Variants in NADK observed in about 807,000 individuals in gnomAD.
NADK encodes poly(P)/ATP NAD kinase.
A neutral mutation model predicts 49.8 loss-of-function variants in NADK; 22 were observed. The observed-to-expected ratio is 0.44, with a 90% CI of 0.32 to 0.63. The LOEUF is 0.63. Among genes scored for constraint, NADK ranks in the 30% least tolerant of loss-of-function variants. The probability of loss-of-function intolerance (pLI) is 0.06; values close to 1 mark genes in which losing one functional copy is unlikely to be tolerated. For synonymous variants in NADK, 268 were observed against 253.7 expected (o/e 1.06, Z -0.54); for missense variants, 438 against 609.4 (o/e 0.72, Z 2.96).
chr1:1,759,801 G>A (rs1220039320), intron 3 of NADK: 2 of 1,554,770 alleles, frequency 1.3e-6, no homozygotes, highest in Non-Finnish European at 1.7e-6. Flanking sequence ...CTGGTCTGAG[G>A]GCTGAGGCAG....
chr1:1,769,946 C>A (rs920561016), intron 1 of NADK, among the ~76,000 whole-genome samples: 1 of 151,648 alleles, frequency 6.6e-6, no homozygotes, highest in African/African-American at 2.4e-5. Context: ...GGAGCAGTGG[C>A]TCTTGCCTGT....
At chr1:1,772,155 C>T (rs1309967287) in intron 1 of NADK, among the ~76,000 whole-genome samples, 4 of 148,640 alleles carry the variant, frequency 2.7e-5, no homozygotes, top group Admixed American at 2.7e-4. Context: ...TTAATGGAAC[C>T]CTGAATTTTT....
chr1:1,763,260 G>A (rs546256351), intron 2 of NADK, among the ~76,000 whole-genome samples: 7 of 152,332 alleles, frequency 4.6e-5, no homozygotes, highest in South Asian at 2.1e-4. Flanking sequence ...CAAGGCAGGC[G>A]GATCACGAGG....
intron 3 of NADK, among the ~76,000 whole-genome samples, chr1:1,758,188 C>T (rs1645592698): frequency 6.6e-6 from 1 of 152,214 alleles, no homozygotes; most frequent in Non-Finnish European, 1.5e-5. Context: ...CAGCTAGTTC[C>T]AAGTTGCCCA....
intron 1 of NADK, among the ~76,000 whole-genome samples, chr1:1,766,405 C>T (rs571957144): frequency 2.9e-3 from 101 of 34,710 alleles, no homozygotes; most frequent in Middle Eastern, 0.016. Flanking sequence ...AAAGAAACTC[C>T]GTCTCAAAAA....
chr1:1,768,038 G>A (rs187483116), intron 1 of NADK, among the ~76,000 whole-genome samples: 1 of 152,152 alleles, frequency 6.6e-6, no homozygotes, highest in African/African-American at 2.4e-5. Flanking sequence ...GGGCGTGGTG[G>A]CGGGCGCCTG....
chr1:1,753,675 G>C, intron 10 of NADK, 26 bp from the exon 11 acceptor site: 1 of 1,580,152 alleles, frequency 6.3e-7, no homozygotes, highest in Non-Finnish European at 8.6e-7. Context: ...GGAGAGGTGT[G>C]GGCCCCCAGC....
rs989347506 is a variant in NADK, at chr1:1,752,591, G to T, written c.*313C>A. On this transcript the variant is annotated 3_prime_UTR_variant, in exon 12 of 12. Transcript: ENST00000341426. ...TGACTCCTCTGAATTTCAACCGACT[G>T]ATTTGCGGAAAAATATCCTGGCATG... is the stretch of plus-strand genomic sequence containing the variant. 1.0e-5 allele frequency: 3 copies of T among 290,728 alleles called. No individual in the cohort carries two copies. Among genetic ancestry groups the T allele is most frequent in the Non-Finnish European group, 1.9e-5 (3 of 156,020 alleles). 18.0% of individuals were successfully genotyped at this position (290,728 alleles called of 1,614,324 possible). A position where few individuals can be genotyped will look rare whatever the true frequency, so the allele number is the denominator to read the frequency against.
rs943538616 is a variant in NADK at position 1,778,315 on chromosome 1, G to A, written c.-67C>T. ...GTTCGCTGCCGCGGGCGCCTGCGGG[G>A]GCGTCTACATGCCGGACCGAGCCCG... On this transcript the variant is annotated 5_prime_UTR_variant, in exon 1 of 12. Coordinates refer to ENST00000341426, the MANE Select transcript of NADK (RefSeq NM_023018.5). This position sits in a 1 kb window ranked among gnomAD's most constrained non-coding sequence, Gnocchi z 4.9. The A allele has an allele frequency of 6.6e-6, 1 of 151,268 alleles. No individual in the cohort carries two copies. Among genetic ancestry groups the A allele is most frequent in the Non-Finnish European group, 1.5e-5 (1 of 67,774 alleles). 9.4% of individuals were successfully genotyped at this position (151,268 alleles called of 1,614,324 possible). A position where few individuals can be genotyped will look rare whatever the true frequency, so the allele number is the denominator to read the frequency against.
chr1:1,774,609 C>T (rs571179526), intron 1 of NADK, among the ~76,000 whole-genome samples: 13 of 151,440 alleles, frequency 8.6e-5, no homozygotes, highest in African/African-American at 1.7e-4. Flanking sequence ...CCACTGCGCG[C>T]GGCCACCATT....
chr1:1,765,436 A>C lies in NADK; in HGVS notation c.-30T>G. 6.9e-7 allele frequency: 1 copy of C among 1,459,098 alleles called. No homozygotes were observed. The highest frequency in any genetic ancestry group is 9.4e-7 in the Non-Finnish European group (1 of 1,068,924). The allele number at this position is 1,459,098 out of a possible 1,614,324, so 90.4% of individuals were successfully genotyped here. On this transcript the variant is annotated 5_prime_UTR_variant, in exon 2 of 12. Transcript: ENST00000341426. ...AGGAAATGAGAACTTCGGTCAGAAA[A>C]ACACTGATGCCTTAATTTAATAAAA... is the stretch of plus-strand genomic sequence containing the variant.
chr1:1,779,667 T>TTTGTG (rs1646314789), upstream of NADK, among the ~76,000 whole-genome samples: 3 of 148,598 alleles, frequency 2.0e-5, no homozygotes, highest in Non-Finnish European at 3.0e-5. Context: ...ATATATATAT[T>TTTGTG]TGTGTGTGTG....
intron 1 of NADK, among the ~76,000 whole-genome samples, chr1:1,775,872 C>T (rs1212136716): frequency 1.3e-5 from 2 of 152,198 alleles, no homozygotes; most frequent in Non-Finnish European, 2.9e-5. Flanking sequence ...GCCACCAGCA[C>T]AGAGAGTAGA....
At chr1:1,759,982 C>A (rs1645665720) in intron 3 of NADK, 2 of 1,466,184 alleles carry the variant, frequency 1.4e-6, no homozygotes, top group South Asian at 2.5e-5. Flanking sequence ...ACAGCAAGCA[C>A]AGGATGGCGG....
chr1:1,753,391 G>A (rs993933773), intron 11 of NADK, among the ~76,000 whole-genome samples, 176 bp downstream of exon 11: 11 of 152,194 alleles, frequency 7.2e-5, no homozygotes, highest in Non-Finnish European at 1.0e-4. Context: ...CACCGTATGC[G>A]ACCCGCTGCC....
intron 3 of NADK, chr1:1,758,570 A>G: frequency 6.5e-7 from 1 of 1,537,688 alleles, no homozygotes; most frequent in Non-Finnish European, 8.8e-7. Context: ...TAGAAGCCTA[A>G]GCTCTTCATA....
At chr1:1,778,942 TA>T (rs758352127), upstream of NADK, among the ~76,000 whole-genome samples, 2 of 152,190 alleles carry the variant, frequency 1.3e-5, no homozygotes, top group Non-Finnish European at 2.9e-5. This position sits in a 1 kb window ranked among gnomAD's most constrained non-coding sequence, Gnocchi z 4.9. Flanking sequence ...CTTCCCTAAT[TA>T]CCGGGCTGTG....
At chr1:1,758,171 C>T (rs1224967360) in intron 3 of NADK, among the ~76,000 whole-genome samples, 1 of 152,186 alleles carries the variant, frequency 6.6e-6, no homozygotes, top group Admixed American at 6.5e-5. Context: ...TATACCACCG[C>T]GCCAGCCAGC....
At chr1:1,765,194 G>GA (rs544654832) in intron 2 of NADK, 34 bp downstream of exon 2, 102 of 1,514,944 alleles carry the variant, frequency 6.7e-5, no homozygotes, top group Middle Eastern at 2.1e-4. Flanking sequence ...AATCAGACGA[G>GA]AAAAAAAAGA....
Sources: allele counts gnomAD v4.1 joint callset (sites outside exome capture counted in the v4.1 genomes callset), GRCh38; gene constraint gnomAD v4.1.1; non-coding constraint Gnocchi (gnomAD v3.1); transcripts MANE v1.5; gene names NCBI Gene and HGNC (gene_info 2026-07-23, HGNC 2026-07-21).